The following HCFC2 variants were observed in gnomAD, a reference collection of about 807,000 sequenced individuals.
The protein encoded by HCFC2 is host cell factor C2.
A neutral mutation model predicts 89.2 loss-of-function variants in HCFC2; 18 were observed. The ratio of observed to expected loss-of-function variants is 0.20; its 90% confidence interval spans 0.14 to 0.30. HCFC2 has a LOEUF of 0.30. Among genes scored for constraint, HCFC2 ranks in the 10% least tolerant of loss-of-function variants. The probability of loss-of-function intolerance (pLI) is 1.00; values close to 1 mark genes in which losing one functional copy is unlikely to be tolerated. For missense variants in HCFC2, 578 were observed against 956.1 expected, an observed-to-expected ratio of 0.60 and a Z score of 5.21; for synonymous variants, 308 against 335.7, an observed-to-expected ratio of 0.92 and a Z score of 0.90.
At position 104,096,397 on chromosome 12, in the gene HCFC2, C is replaced by T. The variant is rs780096060; in HGVS notation, c.1704C>T (p.Ser568=). 3 of 1,608,324 alleles carry T rather than the reference C, an allele frequency of 1.9e-6. No homozygotes were observed. In the South Asian group the frequency reaches 3.3e-5, roughly 18 times the overall value. ...ETYALPATKI[S]RVETHATATP... is the part of the protein sequence containing the mutation. ...ATGCACTGCCTGCAACGAAGATCAG[C>T]CGTGTAGAGACACATGCTACAGCAA... The change falls in exon 12 of 15, where the codon AGC becomes AGT. Residue 568 remains serine (S), a synonymous_variant. Coordinates refer to ENST00000229330, the MANE Select transcript of HCFC2 (RefSeq NM_013320.3).
chr12:104,096,440 A>G lies in HCFC2; in HGVS notation c.1740+7A>G, dbSNP rs1409626247. ...TACAGCAACGCCGTTTTCTGTAAGT[A>G]CATGACCTGGTGATGATGCATGTTT... On this transcript the variant is annotated splice_region_variant and intron_variant, in intron 12 of 14. Coordinates refer to ENST00000229330, the MANE Select transcript of HCFC2 (RefSeq NM_013320.3). The G allele has an allele frequency of 6.3e-7, 1 of 1,598,666 alleles. No homozygotes were observed. The highest frequency in any genetic ancestry group is 1.7e-5 in the Admixed American group (1 of 59,774).
chr12:104,082,960 C>A, intron 7 of HCFC2, 59 bp downstream of exon 7: 7 of 1,210,706 alleles, frequency 5.8e-6, no homozygotes, highest in Non-Finnish European at 7.0e-6. Flanking sequence ...CAAATGTCTG[C>A]CTTTTGAGAC....
At chr12:104,097,908 A>G (rs1252466734) in intron 12 of HCFC2, among the ~76,000 whole-genome samples, 2 of 152,204 alleles carry the variant, frequency 1.3e-5, no homozygotes, top group Admixed American at 6.5e-5. Flanking sequence ...AAGATCACTG[A>G]ATTTTTGCTA....
intron 11 of HCFC2, among the ~76,000 whole-genome samples, chr12:104,096,100 TTAGC>T (rs1228503922): frequency 6.6e-6 from 1 of 152,154 alleles, no homozygotes; most frequent in Non-Finnish European, 1.5e-5. Context: ...CTCTGAAGTT[TTAGC>T]TAGTCATCAA....
chr12:104,094,827 A>G (rs1884128219), intron 10 of HCFC2, among the ~76,000 whole-genome samples: 1 of 152,166 alleles, frequency 6.6e-6, no homozygotes, highest in African/African-American at 2.4e-5. Context: ...AAACCTACTG[A>G]CAAAGAATCT....
At chr12:104,073,267 C>T (rs950609592) in intron 3 of HCFC2, among the ~76,000 whole-genome samples, 1 of 150,292 alleles carries the variant, frequency 6.7e-6, no homozygotes. Flanking sequence ...TGGGTTCAAG[C>T]GATTCTCCTG....
Position 104,093,373 on chromosome 12 carries a change from A to G in HCFC2, c.1285-13A>G. On this transcript the variant is annotated splice_polypyrimidine_tract_variant and intron_variant, in intron 9 of 14. Coordinates refer to ENST00000229330, the MANE Select transcript of HCFC2 (RefSeq NM_013320.3). Reference sequence around the variant, plus strand: ...ATATTGCTTACTACAGTAATCTGTTATATTTCTTGTAGATCAATGATACAA... The same window carrying G: ...ATATTGCTTACTACAGTAATCTGTTGTATTTCTTGTAGATCAATGATACAA... The G allele has an allele frequency of 1.9e-6, 3 of 1,588,622 alleles. No homozygotes were observed. The highest frequency in any genetic ancestry group is 1.4e-5 in the African/African-American group (1 of 73,798).
intron 10 of HCFC2, among the ~76,000 whole-genome samples, chr12:104,094,751 G>A (rs1039864897): frequency 1.3e-5 from 2 of 152,138 alleles, no homozygotes; most frequent in African/African-American, 4.8e-5. Context: ...GGTGGGAATT[G>A]TTGGGTAAAC....
At chr12:104,080,384 C>A in intron 4 of HCFC2, 1 of 177,272 alleles carries the variant, frequency 5.6e-6, no homozygotes. Flanking sequence ...CTTGTAACAC[C>A]TAATACAGTG....
In HCFC2 at chr12:104,095,075, G is replaced by A. The variant is rs1360415913; in HGVS notation, c.1463-285G>A. On this transcript the variant is annotated intron_variant, in intron 10 of 14. Coordinates refer to ENST00000229330, the MANE Select transcript of HCFC2 (RefSeq NM_013320.3). The surrounding 1 kb of genome is among the most constrained non-coding windows in gnomAD (Gnocchi z 4.2). Reference sequence around the variant, plus strand: ...ACCTCTAATATTTTTTTCCTGAAATGAAGGGCAGAGCCATTTGATCTATGA... The same window carrying A: ...ACCTCTAATATTTTTTTCCTGAAATAAAGGGCAGAGCCATTTGATCTATGA... 2.0e-5 allele frequency among the ~76,000 whole-genome samples: 3 copies of A among 151,346 alleles called. No homozygotes were observed. Among genetic ancestry groups the A allele is most frequent in the African/African-American group, 7.3e-5 (3 of 40,930 alleles).
intron 9 of HCFC2, among the ~76,000 whole-genome samples, chr12:104,092,677 G>A (rs1199836248): frequency 6.6e-6 from 1 of 152,042 alleles, no homozygotes; most frequent in Non-Finnish European, 1.5e-5. Context: ...GGGAGACTGA[G>A]GCAGCAGAAT....
intron 3 of HCFC2, among the ~76,000 whole-genome samples, chr12:104,069,179 C>T (rs1294386573): frequency 2.0e-5 from 3 of 152,104 alleles, no homozygotes; most frequent in Admixed American, 6.5e-5. Context: ...TGGTGGCACG[C>T]GCCTGTGGTC....
chr12:104,078,347 C>T (rs890629532), intron 3 of HCFC2, among the ~76,000 whole-genome samples: 1 of 152,152 alleles, frequency 6.6e-6, no homozygotes, highest in African/African-American at 2.4e-5. Context: ...TAGATAACAT[C>T]CTAGAATTAT....
chr12:104,076,805 A>T (rs1883507792), intron 3 of HCFC2, among the ~76,000 whole-genome samples: 1 of 151,644 alleles, frequency 6.6e-6, no homozygotes, highest in Admixed American at 6.6e-5. Flanking sequence ...TGCCCCCACC[A>T]CCAACCCTGA....
intron 3 of HCFC2, among the ~76,000 whole-genome samples, chr12:104,069,673 C>CTTTTTTTA (rs893206050): frequency 3.3e-5 from 5 of 151,766 alleles, no homozygotes; most frequent in African/African-American, 9.7e-5. Context: ...TAGACTTTCT[C>CTTTTTTTA]TTTTTTTATT....
chr12:104,102,314 A>T (rs1430311762), intron 14 of HCFC2, among the ~76,000 whole-genome samples, 161 bp downstream of exon 14: 1 of 152,056 alleles, frequency 6.6e-6, no homozygotes, highest in African/African-American at 2.4e-5. Flanking sequence ...CTAATCATTC[A>T]TTTTTTTTAA....
chr12:104,066,193 G>A lies in HCFC2; in HGVS notation c.190G>A (p.Val64Ile), dbSNP rs1314546069. 3.1e-6 allele frequency: 5 copies of A among 1,613,366 alleles called. No individual in the cohort carries two copies. The change falls in exon 2 of 15, where the codon GTT becomes ATT. Residue 64 changes from valine to isoleucine, a missense_variant. By Grantham distance (29) the Val-to-Ile change is conservative. Coordinates refer to ENST00000229330, the MANE Select transcript of HCFC2 (RefSeq NM_013320.3). Reference protein sequence around the residue: ...TATNQWFLPAVRGDIPPGCAA... With the variant: ...TATNQWFLPAIRGDIPPGCAA... ...TACGAATCAGTGGTTTCTGCCAGCT[G>A]TTAGAGGAGATATCCCTCCAGGCTG...
intron 8 of HCFC2, among the ~76,000 whole-genome samples, chr12:104,087,421 GTGTGTGTGTGTGTGTGTGTGTA>G (rs1348364720): frequency 2.1e-5 from 1 of 48,408 alleles, no homozygotes; most frequent in South Asian, 6.9e-4. Flanking sequence ...GTGTGTGTGT[GTGTGTGTGTGTGTGTGTGTGTA>G]TGTGTGTGTG....
intron 10 of HCFC2, among the ~76,000 whole-genome samples, chr12:104,094,060 C>A (rs1331410876): frequency 1.3e-5 from 2 of 151,808 alleles, no homozygotes; most frequent in African/African-American, 4.8e-5. Flanking sequence ...TTGGGTTGGA[C>A]AATAGAATAG....
Sources: gnomAD v4.1 joint callset for allele counts (sites outside exome capture counted in the v4.1 genomes callset) on GRCh38, gnomAD v4.1.1 for gene constraint, Gnocchi (gnomAD v3.1) non-coding constraint, MANE v1.5 for transcripts, NCBI Gene and HGNC (gene_info 2026-07-23, HGNC 2026-07-21) for gene names.